INPP5K: variants seen among roughly 807,000 people sequenced by gnomAD.
INPP5K encodes inositol polyphosphate-5-phosphatase K.
A neutral mutation model predicts 53.5 loss-of-function variants in INPP5K; 35 were observed. That is an observed-to-expected ratio of 0.65 (90% CI 0.50 to 0.87). The LOEUF (loss-of-function observed/expected upper bound fraction) is 0.87. Ranked by LOEUF, INPP5K falls within the 40% of genes least tolerant of loss-of-function variation. INPP5K has a pLI of 0.00. For synonymous variants in INPP5K, 253 were observed against 232.8 expected, an observed-to-expected ratio of 1.09 and a Z score of -0.79; for missense variants, 550 against 586.2, an observed-to-expected ratio of 0.94 and a Z score of 0.64.
chr17:1,515,920 C>T (rs1158815095), intron 1 of INPP5K: 38 of 987,118 alleles, frequency 3.8e-5, no homozygotes, highest in Non-Finnish European at 4.3e-5. Flanking sequence ...GTCCGGATTT[C>T]TTGTTCCCAC....
At position 1,496,903 on chromosome 17, in the gene INPP5K, T is replaced by TG. The variant is rs2074864592; in HGVS notation, c.964-101dup. 5.4e-6 allele frequency: 7 copies of TG among 1,286,254 alleles called. No individual in the cohort carries two copies. The East Asian group carries it at 1.8e-4, about 32-fold the overall frequency. The allele number at this position is 1,286,254 out of a possible 1,614,324, so 79.7% of individuals were successfully genotyped here. On this transcript the variant is annotated intron_variant, in intron 8 of 11. Transcript: ENST00000421807. The stretch of plus-strand genomic sequence containing the variant: ...TGCCCTTCCAACATAGTGGGGAAGG[T>TG]GGGGCACCCAGAGGGGGTGGGCATG...
chr17:1,498,129 G>C lies in INPP5K; in HGVS notation c.777-7C>G. 2 of 1,589,038 alleles carry C rather than the reference G, an allele frequency of 1.3e-6. No individual in the cohort carries two copies. Among genetic ancestry groups the C allele is most frequent in the South Asian group, 2.2e-5 (2 of 90,116 alleles). On this transcript the variant is annotated splice_polypyrimidine_tract_variant and splice_region_variant and intron_variant, in intron 7 of 11. Transcript: ENST00000421807. ...AGGCTTGCGTTTTTTCTCACTGCAG[G>C]GGCAGGGGGCATAAAGAGGAAGAAT...
Position 1,509,258 on chromosome 17 carries a change from G to C in INPP5K, c.474C>G (p.Tyr158Ter). 1 of 1,614,136 alleles carries C rather than the reference G, an allele frequency of 6.2e-7. No homozygotes were observed. Among genetic ancestry groups the C allele is most frequent in the Non-Finnish European group, 8.5e-7 (1 of 1,180,014 alleles). The change falls in exon 5 of 12, where the codon TAC becomes TAG. Residue 158 changes from tyrosine (Y) to a stop codon, truncating the protein, a stop_gained. Transcript: ENST00000421807. LOFTEE classifies it high-confidence loss of function. ...TCCGGTCAAAGTGCTCCAGCCGCTG[G>C]TAATTGTTGGAAATGTGGGGAGGCA... ...CHLPPHISNN[Y>*]QRLEHFDRIL...
intron 3 of INPP5K, among the ~76,000 whole-genome samples, chr17:1,510,172 C>T (rs76055847): frequency 0.021 from 3,250 of 152,322 alleles, 117 homozygotes; most frequent in African/African-American, 0.073. Context: ...GAATCCATCT[C>T]ATAGATGCTG....
chr17:1,498,010 G>A lies in INPP5K; in HGVS notation c.889C>T (p.Leu297=), dbSNP rs2074904116. 1.2e-6 allele frequency: 2 copies of A among 1,614,166 alleles called. No homozygotes were observed. Among genetic ancestry groups the A allele is most frequent in the Non-Finnish European group, 1.7e-6 (2 of 1,180,026 alleles). Residue 297 remains leucine (L), a synonymous_variant, in exon 8 of 12, where the codon CTG becomes TTG. Transcript: ENST00000421807. ...IPPASHFSLS[L]RGYSSHMTYG... ...GTCATGTGGCTGCTGTAGCCCCTCA[G>A]AGACAAGGAGAAGTGTGACGCCGGC...
chr17:1,506,297 T>G (rs905369671), intron 7 of INPP5K, among the ~76,000 whole-genome samples: 10 of 152,170 alleles, frequency 6.6e-5, no homozygotes, highest in Non-Finnish European at 1.5e-4. Flanking sequence ...AGTGCTGGGA[T>G]TACAGGTGTG....
chr17:1,507,177 G>A (rs1392416721), intron 6 of INPP5K, 88 bp from the exon 7 acceptor site: 12 of 932,652 alleles, frequency 1.3e-5, no homozygotes, highest in East Asian at 2.6e-5. Context: ...AGCACATGCC[G>A]TCACAAATGG....
At chr17:1,505,157 G>C (rs2075124136) in intron 7 of INPP5K, among the ~76,000 whole-genome samples, 1 of 151,656 alleles carries the variant, frequency 6.6e-6, no homozygotes, top group Admixed American at 6.6e-5. Context: ...TTTTTTTGGA[G>C]ACAGGGTTGC....
rs370393047 is a variant in INPP5K, at chr17:1,506,993, C to T, written c.763G>A (p.Asp255Asn). ...CTCCCTCCTCACCTGGTGTCATAGTCGTTGGAGTTCCTATCAAACTTGTAG... is the reference window on the plus strand; with the variant it reads ...CTCCCTCCTCACCTGGTGTCATAGTTGTTGGAGTTCCTATCAAACTTGTAG... ...PTYKFDRNSN[D>N]YDTSEKKRKP... is the part of the protein sequence containing the mutation. Residue 255 changes from aspartate to asparagine, a missense_variant, in exon 7 of 12, where the codon GAC (aspartate) becomes AAC (asparagine). Asp to Asn is a conservative substitution (Grantham distance 23). Transcript: ENST00000421807. 14 of 1,613,322 alleles carry T rather than the reference C, an allele frequency of 8.7e-6. No individual in the cohort carries two copies. The highest frequency in any genetic ancestry group is 4.0e-5 in the African/African-American group (3 of 75,000).
Position 1,513,563 on chromosome 17 carries a change from T to C in INPP5K, c.153-2A>G. The C allele has an allele frequency of 6.2e-7, 1 of 1,613,624 alleles. No individual in the cohort carries two copies. Among genetic ancestry groups the C allele is most frequent in the East Asian group, 2.2e-5 (1 of 44,890 alleles). On this transcript the variant is annotated splice_acceptor_variant, in intron 2 of 11. Coordinates refer to ENST00000421807, the MANE Select transcript of INPP5K (RefSeq NM_016532.4). LOFTEE classifies it high-confidence loss of function. ...ATCCCAGAGTTCAATTCCTGCAAAC[T>C]GACCATGCCAGCTCAGAGGCTTGGC...
At chr17:1,502,001 T>C (rs1462938888) in intron 7 of INPP5K, among the ~76,000 whole-genome samples, 9 of 147,216 alleles carry the variant, frequency 6.1e-5, no homozygotes, top group African/African-American at 1.5e-4. Flanking sequence ...CATTGTTGCA[T>C]TCCAGCCTGG....
intron 7 of INPP5K, among the ~76,000 whole-genome samples, chr17:1,506,569 A>T (rs1229276299): frequency 6.6e-6 from 1 of 152,164 alleles, no homozygotes; most frequent in African/African-American, 2.4e-5. Flanking sequence ...ACAAGACCTG[A>T]CCCATTCACA....
intron 7 of INPP5K, among the ~76,000 whole-genome samples, chr17:1,501,214 T>C (rs1042603449): frequency 2.0e-5 from 3 of 152,216 alleles, no homozygotes; most frequent in Admixed American, 1.3e-4. Flanking sequence ...CGCCTCGGCC[T>C]CCCAAAGTGC....
intron 7 of INPP5K, among the ~76,000 whole-genome samples, chr17:1,500,434 G>A (rs1477952230): frequency 1.3e-5 from 2 of 150,880 alleles, no homozygotes; most frequent in Non-Finnish European, 2.9e-5. Context: ...GCGCAATCTC[G>A]GCTCACTGCA....
At position 1,516,489 on chromosome 17, in the gene INPP5K, C is replaced by T; in HGVS notation, c.11G>A (p.Arg4Gln). 5 of 1,586,630 alleles carry T rather than the reference C, an allele frequency of 3.2e-6. No individual in the cohort carries two copies. Among genetic ancestry groups the T allele is most frequent in the Non-Finnish European group, 4.3e-6 (5 of 1,175,176 alleles). The change falls in exon 1 of 12, where the codon CGG (arginine) becomes CAG (glutamine). Residue 4 changes from arginine (R) to glutamine (Q), a missense_variant. Transcript: ENST00000421807. MSS[R>Q]KLSGPKGRRL... ...CCTGCCTTTCGGCCCGCTCAGCTTC[C>T]GCGAGCTCATGGCCGCCGTCGTCCC...
chr17:1,505,422 T>C (rs1430594150), intron 7 of INPP5K, among the ~76,000 whole-genome samples: 1 of 152,090 alleles, frequency 6.6e-6, no homozygotes, highest in Non-Finnish European at 1.5e-5. Context: ...GACTCTTGTT[T>C]CCAATGGATG....
intron 5 of INPP5K, chr17:1,508,590 G>T: frequency 3.3e-6 from 1 of 307,510 alleles, no homozygotes. Flanking sequence ...AGACGGGCTG[G>T]AGGAAGGGGA....
Position 1,513,540 on chromosome 17 carries a change from C to T in INPP5K, c.174G>A (p.Gly58=), listed in dbSNP as rs1156698622. The T allele has an allele frequency of 1.2e-6, 2 of 1,614,262 alleles. No homozygotes were observed. The highest frequency in any genetic ancestry group is 1.7e-6 in the Non-Finnish European group (2 of 1,180,030). The part of the protein sequence containing the change: ...YVIGLQELNS[G]IISLLSDAAF... ...CAGCATCGGAAAGGAGGCTTATGAT[C>T]CCAGAGTTCAATTCCTGCAAACTGA... The change falls in exon 3 of 12, where the codon GGG becomes GGA. Residue 58 remains glycine, a synonymous_variant. Coordinates refer to ENST00000421807, the MANE Select transcript of INPP5K (RefSeq NM_016532.4).
chr17:1,515,106 C>A (rs1007481659), intron 1 of INPP5K, among the ~76,000 whole-genome samples: 1 of 152,034 alleles, frequency 6.6e-6, no homozygotes, highest in Non-Finnish European at 1.5e-5. Context: ...GGGGTTTCAC[C>A]ATGTTGGCCA....
Sources: allele counts gnomAD v4.1 joint callset (sites outside exome capture counted in the v4.1 genomes callset), GRCh38; gene constraint gnomAD v4.1.1; transcripts MANE v1.5; gene names NCBI Gene and HGNC (gene_info 2026-07-23, HGNC 2026-07-21).